Variants in MTOR observed in about 807,000 individuals in gnomAD.
MTOR encodes the protein mechanistic target of rapamycin kinase.
MTOR carries 70 observed loss-of-function variants against 319.8 expected under a neutral mutation model. That is an observed-to-expected ratio of 0.22 (90% CI 0.18 to 0.27). MTOR has a LOEUF of 0.27. MTOR is among the 10% of genes least tolerant of loss of function. The pLI, the probability that MTOR is intolerant of heterozygous loss-of-function variation, is 1.00. For synonymous variants in MTOR, 1,183 were observed against 1,211.4 expected (o/e 0.98, Z 0.49); for missense variants, 1,890 against 3,274.4 (o/e 0.58, Z 10.32).
Position 11,129,881 on chromosome 1 carries a change from T to G in MTOR, c.5614-43A>C. On this transcript the variant is annotated intron_variant, in intron 39 of 57. Transcript: ENST00000361445. The surrounding 1 kb of genome is among the most constrained non-coding windows in gnomAD (Gnocchi z 4.7). ...TGTTAGCGACACTCTTGCCTCTGCT[T>G]TCTCATCTGTAAAATGGGCATAAGA... is the stretch of plus-strand genomic sequence containing the variant. 1 of 1,559,690 alleles carries G rather than the reference T, an allele frequency of 6.4e-7. No individual in the cohort carries two copies. Among genetic ancestry groups the G allele is most frequent in the Non-Finnish European group, 8.8e-7 (1 of 1,131,880 alleles).
chr1:11,127,122 T>C lies in MTOR; in HGVS notation c.6239A>G (p.Glu2080Gly). ...FNQAYGRDLMEAQEWCRKYMK... is the reference protein window; with the variant it reads ...FNQAYGRDLMGAQEWCRKYMK... ...GTACTTCCTGCACCACTCTTGGGCC[T>C]CCATTAAATCTCGACCATAGGCCTG... Residue 2080 changes from glutamate (E) to glycine (G), a missense_variant, in exon 45 of 58, where the codon GAG becomes GGG. Glu to Gly is a moderately conservative substitution (Grantham distance 98). Around this residue, in one of 15 missense-constraint regions of MTOR, gnomAD observed 249 missense variants for 596.2 expected, o/e 0.42. Coordinates refer to ENST00000361445, the MANE Select transcript of MTOR (RefSeq NM_004958.4). This position sits in a 1 kb window ranked among gnomAD's most constrained non-coding sequence, Gnocchi z 5.5. The C allele has an allele frequency of 6.2e-7, 1 of 1,614,158 alleles. No homozygotes were observed.
intron 28 of MTOR, among the ~76,000 whole-genome samples, chr1:11,186,627 CAGA>C (rs958479096): frequency 5.3e-5 from 8 of 152,182 alleles, no homozygotes; most frequent in African/African-American, 1.4e-4. Context: ...CACTGAAAGG[CAGA>C]AGAAGGATTT....
At chr1:11,193,002 G>A (rs1645610842) in intron 28 of MTOR, among the ~76,000 whole-genome samples, 1 of 151,892 alleles carries the variant, frequency 6.6e-6, no homozygotes, top group African/African-American at 2.4e-5. Flanking sequence ...AAGAAAACAC[G>A]AAGGCAGCAT....
chr1:11,129,672 CGT>C lies in MTOR; in HGVS notation c.5714+64_5714+65del. Reference sequence around the variant, plus strand: ...GTCAGGAAGGGAAAGAGGACTTTTACGTGTGACTTCTAGGTCTTGCCATTAAC... The same window carrying C: ...GTCAGGAAGGGAAAGAGGACTTTTACGTGACTTCTAGGTCTTGCCATTAAC... On this transcript the variant is annotated intron_variant, in intron 40 of 57. Transcript: ENST00000361445. The surrounding 1 kb of genome is among the most constrained non-coding windows in gnomAD (Gnocchi z 4.7). 2.8e-6 allele frequency: 4 copies of C among 1,418,154 alleles called. No homozygotes were observed. Among genetic ancestry groups the C allele is most frequent in the Middle Eastern group, 1.9e-4 (1 of 5,330 alleles). The allele number at this position is 1,418,154 out of a possible 1,614,324, so 87.8% of individuals were successfully genotyped here.
chr1:11,151,345 C>T (rs1383838436), intron 30 of MTOR, among the ~76,000 whole-genome samples: 1 of 152,050 alleles, frequency 6.6e-6, no homozygotes, highest in African/African-American at 2.4e-5. Flanking sequence ...AGAGCTGAGA[C>T]CAAAAAGAGG....
chr1:11,185,990 G>A (rs1645306508), intron 28 of MTOR, among the ~76,000 whole-genome samples: 1 of 148,258 alleles, frequency 6.7e-6, no homozygotes, highest in Non-Finnish European at 1.5e-5. Flanking sequence ...GCTGAGGCAG[G>A]AGAATTGGCG....
Position 11,127,575 on chromosome 1 carries a change from G to T in MTOR, c.6216+49C>A, listed in dbSNP as rs2100405827. ...TTTCTCATTTCATTTTTTTTTAGTG[G>T]CAGAATATTTCTACAGGGTTATGTC... is the stretch of plus-strand genomic sequence containing the variant. On this transcript the variant is annotated intron_variant, in intron 44 of 57. Transcript: ENST00000361445. This position sits in a 1 kb window ranked among gnomAD's most constrained non-coding sequence, Gnocchi z 5.5. 2 of 1,521,274 alleles carry T rather than the reference G, an allele frequency of 1.3e-6. No homozygotes were observed. Among genetic ancestry groups the T allele is most frequent in the African/African-American group, 1.4e-5 (1 of 71,418 alleles). The allele number at this position is 1,521,274 out of a possible 1,614,324, so 94.2% of individuals were successfully genotyped here. A position where few individuals can be genotyped will look rare whatever the true frequency, so the allele number is the denominator to read the frequency against.
At position 11,224,570 on chromosome 1, in the gene MTOR, A is replaced by G. The variant is rs187561030; in HGVS notation, c.3030+4098T>C. On this transcript the variant is annotated intron_variant, in intron 19 of 57. Transcript: ENST00000361445. ...TTGAACACAATAAGTAATAAATTCAATCTAATGACTTATGTAAAACCCTGT... is the reference window on the plus strand; with the variant it reads ...TTGAACACAATAAGTAATAAATTCAGTCTAATGACTTATGTAAAACCCTGT... Among the ~76,000 whole-genome samples, 157 of 152,320 alleles carry G rather than the reference A, an allele frequency of 1.0e-3. 2 individuals carry two copies. Among genetic ancestry groups the G allele is most frequent in the South Asian group, 7.3e-3 (35 of 4,826 alleles).
chr1:11,145,517 T>C (rs936841901), intron 32 of MTOR, among the ~76,000 whole-genome samples: 1 of 151,948 alleles, frequency 6.6e-6, no homozygotes, highest in Non-Finnish European at 1.5e-5. Flanking sequence ...GCTGGGATGC[T>C]GGGGTTACAG....
In MTOR at chr1:11,121,404, C is replaced by G. The variant is rs1316350704; in HGVS notation, c.6811-36G>C. On this transcript the variant is annotated intron_variant, in intron 48 of 57. Transcript: ENST00000361445. This position sits in a 1 kb window ranked among gnomAD's most constrained non-coding sequence, Gnocchi z 4.9. ...ACACAACTGTTCAGTAAGAGAGCAGCCTAAGACATGTAGTTTGGGTCCAGG... is the reference window on the plus strand; with the variant it reads ...ACACAACTGTTCAGTAAGAGAGCAGGCTAAGACATGTAGTTTGGGTCCAGG... The G allele has an allele frequency of 1.2e-6, 2 of 1,611,668 alleles. No homozygotes were observed. The highest frequency in any genetic ancestry group is 1.7e-6 in the Non-Finnish European group (2 of 1,179,184).
intron 49 of MTOR, among the ~76,000 whole-genome samples, chr1:11,120,383 A>G (rs2100351949): frequency 6.6e-6 from 1 of 152,256 alleles, no homozygotes; most frequent in East Asian, 1.9e-4. Context: ...TACTAAGAAT[A>G]CAAAAATTAA....
intron 4 of MTOR, 59 bp downstream of exon 4, chr1:11,256,873 AC>A (rs969805187): frequency 1.3e-5 from 20 of 1,504,752 alleles, no homozygotes; most frequent in South Asian, 9.4e-5. Context: ...GAAGCAAAAG[AC>A]CCCCCCATGA....
chr1:11,249,412 T>C (rs1222023065), intron 6 of MTOR, among the ~76,000 whole-genome samples: 1 of 124,578 alleles, frequency 8.0e-6, no homozygotes, highest in Non-Finnish European at 1.5e-5. Flanking sequence ...TCCATCTTTA[T>C]TTATTTATTT....
chr1:11,141,557 C>G (rs1207984285), intron 34 of MTOR, among the ~76,000 whole-genome samples: 1 of 151,656 alleles, frequency 6.6e-6, no homozygotes, highest in African/African-American at 2.4e-5. Context: ...TTAGTAGATA[C>G]GGGGTTTTGC....
At chr1:11,188,989 C>T (rs953835475) in intron 28 of MTOR, among the ~76,000 whole-genome samples, 2 of 152,212 alleles carry the variant, frequency 1.3e-5, no homozygotes, top group African/African-American at 2.4e-5. Context: ...GCGTCTCTTT[C>T]GCCTACCTTA....
chr1:11,190,717 C>T lies in MTOR; in HGVS notation c.4253+8541G>A, dbSNP rs541501550. Among the ~76,000 whole-genome samples the T allele has an allele frequency of 3.9e-5, 6 of 152,200 alleles. No homozygotes were observed. In the East Asian group the frequency reaches 5.8e-4, roughly 15 times the overall value. The stretch of plus-strand genomic sequence containing the variant: ...GCTCAGGTGGGCCAACATGAATTTA[C>T]GGTTTAGAGATAAAAATTTGGTTTT... On this transcript the variant is annotated intron_variant, in intron 28 of 57. Coordinates refer to ENST00000361445, the MANE Select transcript of MTOR (RefSeq NM_004958.4).
chr1:11,133,959 G>A lies in MTOR; in HGVS notation c.5246+392C>T, dbSNP rs1643281916. ...TCTACAAAAAACTAGCCAGTGTGGT[G>A]GCACGTGCCTATAGCTACTTGGGAA... On this transcript the variant is annotated intron_variant, in intron 37 of 57. Coordinates refer to ENST00000361445, the MANE Select transcript of MTOR (RefSeq NM_004958.4). This position sits in a 1 kb window ranked among gnomAD's most constrained non-coding sequence, Gnocchi z 4.0. Among the ~76,000 whole-genome samples, 1 of 152,022 alleles carries A rather than the reference G, an allele frequency of 6.6e-6. No individual in the cohort carries two copies. Among genetic ancestry groups the A allele is most frequent in the Admixed American group, 6.6e-5 (1 of 15,258 alleles).
chr1:11,213,715 C>CTTCTTGTG, intron 20 of MTOR, 149 bp from the exon 21 acceptor site: 1 of 706,158 alleles, frequency 1.4e-6, no homozygotes, highest in South Asian at 1.8e-5. Context: ...CCACTGGGCC[C>CTTCTTGTG]TTCTTGTGTC....
chr1:11,174,749 C>T (rs754786211), intron 28 of MTOR, among the ~76,000 whole-genome samples: 1 of 152,170 alleles, frequency 6.6e-6, no homozygotes, highest in Non-Finnish European at 1.5e-5. Context: ...TCTTGTTTTA[C>T]GGGGCAGCTG....
Sources: allele counts gnomAD v4.1 joint callset (sites outside exome capture counted in the v4.1 genomes callset), GRCh38; gene constraint gnomAD v4.1.1; regional missense constraint gnomAD v4.1.1; non-coding constraint Gnocchi (gnomAD v3.1); transcripts MANE v1.5; gene names NCBI Gene and HGNC (gene_info 2026-07-23, HGNC 2026-07-21).